ERG: variants seen among roughly 807,000 people sequenced by gnomAD.
ERG encodes the protein ETS transcription factor ERG.
A neutral mutation model predicts 55.3 loss-of-function variants in ERG; 9 were observed. The observed-to-expected ratio is 0.16, with a 90% CI of 0.10 to 0.28. ERG has a LOEUF of 0.28. ERG is among the 10% of genes least tolerant of loss of function. ERG has a pLI of 1.00. For missense variants in ERG, 434 were observed against 631.6 expected, an observed-to-expected ratio of 0.69 and a Z score of 3.35; for synonymous variants, 223 against 237.3, an observed-to-expected ratio of 0.94 and a Z score of 0.55.
chr21:38,387,674 G>A (rs1987763968), intron 9 of ERG, among the ~76,000 whole-genome samples: 1 of 152,186 alleles, frequency 6.6e-6, no homozygotes, highest in Non-Finnish European at 1.5e-5. Context: ...CCTATAGCCA[G>A]GAAATGCCTA....
chr21:38,492,243 C>T (rs1329352855), intron 1 of ERG, among the ~76,000 whole-genome samples: 1 of 152,200 alleles, frequency 6.6e-6, no homozygotes, highest in East Asian at 1.9e-4. Context: ...CTGTGAGGAT[C>T]ACATGAGACA....
intron 2 of ERG, among the ~76,000 whole-genome samples, chr21:38,424,814 AG>A: frequency 6.6e-6 from 1 of 152,216 alleles, no homozygotes; most frequent in East Asian, 1.9e-4. Context: ...GACTGACGCT[AG>A]GGGAGGCCTC....
intron 1 of ERG, among the ~76,000 whole-genome samples, chr21:38,476,317 T>G (rs977184953): frequency 6.6e-6 from 1 of 152,326 alleles, no homozygotes; most frequent in South Asian, 2.1e-4. Flanking sequence ...CAATCGCCCC[T>G]ACACCTTTCA....
chr21:38,391,128 G>GT, intron 8 of ERG, 86 bp from the exon 9 acceptor site: 2 of 1,184,836 alleles, frequency 1.7e-6, no homozygotes, highest in Non-Finnish European at 1.2e-6. Context: ...TGACTTAATT[G>GT]TTTTTTCAGA....
chr21:38,400,749 G>A (rs887962998), intron 5 of ERG, 104 bp from the exon 6 acceptor site: 3 of 832,382 alleles, frequency 3.6e-6, no homozygotes, highest in Non-Finnish European at 5.8e-6. Context: ...AAAGGGAAGA[G>A]ACCTCCTCAA....
At chr21:38,416,151 T>C (rs1989268549) in intron 3 of ERG, among the ~76,000 whole-genome samples, 2 of 152,340 alleles carry the variant, frequency 1.3e-5, no homozygotes, top group South Asian at 2.1e-4. Flanking sequence ...CTTCTTTACA[T>C]GAAATCAGAC....
chr21:38,601,014 A>G (rs1277802008), intron 1 of ERG, among the ~76,000 whole-genome samples: 3 of 152,154 alleles, frequency 2.0e-5, no homozygotes, highest in Non-Finnish European at 4.4e-5. Flanking sequence ...TGGGCATTAC[A>G]ATCAGGTTTA....
chr21:38,606,258 T>C (rs58902569), intron 1 of ERG, among the ~76,000 whole-genome samples: 3 of 152,094 alleles, frequency 2.0e-5, no homozygotes, highest in Non-Finnish European at 4.4e-5. Flanking sequence ...GATAGGTAGG[T>C]AGATAGGTGA....
intron 1 of ERG, among the ~76,000 whole-genome samples, chr21:38,609,465 GACTTAA>G (rs1281443931): frequency 6.6e-6 from 1 of 151,632 alleles, no homozygotes; most frequent in African/African-American, 2.4e-5. Flanking sequence ...CAAAAAAAAA[GACTTAA>G]ACTTAAAAAA....
upstream of ERG, among the ~76,000 whole-genome samples, chr21:38,499,064 T>G (rs1449040777): frequency 6.6e-6 from 1 of 152,260 alleles, no homozygotes; most frequent in Non-Finnish European, 1.5e-5. Context: ...ACTTTTTATT[T>G]GCTCTACAAC....
chr21:38,612,250 A>G (rs1367972779), intron 1 of ERG, among the ~76,000 whole-genome samples: 1 of 152,220 alleles, frequency 6.6e-6, no homozygotes, highest in Non-Finnish European at 1.5e-5. Context: ...CCTCAAAAAT[A>G]GCTTTCTAAA....
chr21:38,544,350 C>T (rs780395055), intron 2 of ERG, among the ~76,000 whole-genome samples: 5 of 152,106 alleles, frequency 3.3e-5, no homozygotes, highest in Non-Finnish European at 5.9e-5. Context: ...GCAGTCATCC[C>T]GGCTCCCTGT....
chr21:38,642,171 A>C (rs2060429164), intron 1 of ERG, among the ~76,000 whole-genome samples: 1 of 152,258 alleles, frequency 6.6e-6, no homozygotes. Context: ...TGGTAAGTGA[A>C]CAAAACAGGT....
chr21:38,499,819 GAA>G (rs1479084270), upstream of ERG, among the ~76,000 whole-genome samples: 1 of 138,266 alleles, frequency 7.2e-6, no homozygotes, highest in East Asian at 2.4e-4. Flanking sequence ...AAGAGAGAGA[GAA>G]AGGAAGGAGG....
intron 2 of ERG, among the ~76,000 whole-genome samples, chr21:38,522,460 C>T (rs1296435586): frequency 6.6e-6 from 1 of 152,034 alleles, no homozygotes; most frequent in East Asian, 1.9e-4. Context: ...CATATATTAA[C>T]CATATTCTTT....
At chr21:38,541,886 C>T (rs1326772530) in intron 2 of ERG, among the ~76,000 whole-genome samples, 1 of 150,072 alleles carries the variant, frequency 6.7e-6, no homozygotes, top group Non-Finnish European at 1.5e-5. Flanking sequence ...CAAACCTGCA[C>T]ATCCGGCACA....
At chr21:38,370,269 G>A in the ERG span, among the ~76,000 whole-genome samples, 1 of 151,770 alleles carries the variant, frequency 6.6e-6, no homozygotes, top group Non-Finnish European at 1.5e-5. Context: ...CAATTCTTTT[G>A]CATATTTCCC....
At chr21:38,462,605 T>C (rs1764877164) in intron 1 of ERG, among the ~76,000 whole-genome samples, 1 of 151,952 alleles carries the variant, frequency 6.6e-6, no homozygotes, top group Non-Finnish European at 1.5e-5. Context: ...CAACAGAGAG[T>C]CCTTAGGAAA....
chr21:38,599,906 A>G (rs2060154349), intron 1 of ERG, among the ~76,000 whole-genome samples: 1 of 152,224 alleles, frequency 6.6e-6, no homozygotes, highest in East Asian at 1.9e-4. Flanking sequence ...CCAGTTTCTC[A>G]TATGTTGGGT....
Sources: allele counts gnomAD v4.1 joint callset (sites outside exome capture counted in the v4.1 genomes callset), GRCh38; gene constraint gnomAD v4.1.1; transcripts MANE v1.5; gene names NCBI Gene and HGNC (gene_info 2026-07-23, HGNC 2026-07-21).